KCNQ5: variants seen among roughly 807,000 people sequenced by gnomAD.
The protein encoded by KCNQ5 is potassium voltage-gated channel subfamily KQT member 5.
Under a neutral mutation model 98.2 loss-of-function variants are expected in KCNQ5, and 30 were observed. That is an observed-to-expected ratio of 0.31 (90% CI 0.23 to 0.41). KCNQ5 has a LOEUF of 0.41. Among genes scored for constraint, KCNQ5 ranks in the 10% least tolerant of loss-of-function variants. The probability of loss-of-function intolerance (pLI) is 1.00; values close to 1 mark genes in which losing one functional copy is unlikely to be tolerated. For synonymous variants in KCNQ5, 458 were observed against 449.4 expected, an observed-to-expected ratio of 1.02 and a Z score of -0.24; for missense variants, 835 against 1,182.5, an observed-to-expected ratio of 0.71 and a Z score of 4.31.
intron 1 of KCNQ5, among the ~76,000 whole-genome samples, chr6:72,973,424 A>G (rs954654403): frequency 6.6e-6 from 1 of 151,994 alleles, no homozygotes; most frequent in Non-Finnish European, 1.5e-5. Flanking sequence ...TTTTTACTGG[A>G]GGGAAAGGAT....
chr6:72,967,326 A>G (rs1767666131), intron 1 of KCNQ5, among the ~76,000 whole-genome samples: 1 of 152,202 alleles, frequency 6.6e-6, no homozygotes, highest in African/African-American at 2.4e-5. Flanking sequence ...ACTTTTGATC[A>G]GTATAGTGAA....
chr6:73,137,613 G>A (rs1776523548), intron 10 of KCNQ5, among the ~76,000 whole-genome samples: 1 of 151,866 alleles, frequency 6.6e-6, no homozygotes, highest in Admixed American at 6.6e-5. Context: ...CTTCCCATTG[G>A]CATGTGTTGT....
chr6:73,000,025 C>T (rs771577913), intron 1 of KCNQ5, among the ~76,000 whole-genome samples: 2 of 152,034 alleles, frequency 1.3e-5, no homozygotes, highest in Admixed American at 6.6e-5. Flanking sequence ...CCTGGAGGAC[C>T]GTGGACTCTA....
intron 1 of KCNQ5, among the ~76,000 whole-genome samples, chr6:72,940,387 A>G (rs1048321216): frequency 6.6e-6 from 1 of 152,226 alleles, no homozygotes; most frequent in Admixed American, 6.5e-5. Flanking sequence ...TTTCATGCCC[A>G]GGACAGGTGT....
chr6:72,793,976 A>G (rs575590523), intron 1 of KCNQ5, among the ~76,000 whole-genome samples: 1 of 152,336 alleles, frequency 6.6e-6, no homozygotes, highest in South Asian at 2.1e-4. Context: ...AATATTCTTG[A>G]CATTGCTGGA....
At chr6:73,162,271 C>A (rs952880) in intron 10 of KCNQ5, among the ~76,000 whole-genome samples, 89,294 of 151,898 alleles carry the variant, frequency 0.59, 27,440 homozygotes, top group East Asian at 0.8. Context: ...ACTTGAAAGC[C>A]AATCCTTAAC....
chr6:72,979,767 T>C (rs1768344443), intron 1 of KCNQ5, among the ~76,000 whole-genome samples: 1 of 152,218 alleles, frequency 6.6e-6, no homozygotes, highest in Non-Finnish European at 1.5e-5. Flanking sequence ...ATGTCCTGAA[T>C]GGTAATGCCT....
intron 1 of KCNQ5, among the ~76,000 whole-genome samples, chr6:72,952,605 T>TA (rs1766856704): frequency 6.6e-6 from 1 of 152,228 alleles, no homozygotes; most frequent in Non-Finnish European, 1.5e-5. Context: ...ACACCAATGC[T>TA]AAATTCTAAA....
intron 1 of KCNQ5, among the ~76,000 whole-genome samples, chr6:72,954,139 T>C (rs1054578738): frequency 6.6e-6 from 1 of 152,232 alleles, no homozygotes; most frequent in Non-Finnish European, 1.5e-5. Flanking sequence ...ATGTTCTTTA[T>C]ACAGCTTTCT....
chr6:73,196,326 G>A lies in KCNQ5; in HGVS notation c.*912G>A, dbSNP rs1184064499. The A allele has an allele frequency of 6.6e-6, 1 of 152,194 alleles. No homozygotes were observed. The highest frequency in any genetic ancestry group is 1.5e-5 in the Non-Finnish European group (1 of 68,056). The allele number at this position is 152,194 out of a possible 1,614,324, so 9.4% of individuals were successfully genotyped here. On this transcript the variant is annotated 3_prime_UTR_variant, in exon 14 of 14. Transcript: ENST00000370398. ...TTCTCATTTCGCTGACATACAGGTA[G>A]GACTATGGGGGATGGGACATTTGAG...
chr6:72,904,814 A>G (rs530028435), intron 1 of KCNQ5, among the ~76,000 whole-genome samples: 3 of 152,090 alleles, frequency 2.0e-5, no homozygotes, highest in South Asian at 2.1e-4. Context: ...CTTCATTTTA[A>G]TAATCTTCAT....
At chr6:72,682,451 T>C (rs1038143196) in intron 1 of KCNQ5, among the ~76,000 whole-genome samples, 1 of 152,186 alleles carries the variant, frequency 6.6e-6, no homozygotes, top group African/African-American at 2.4e-5. Context: ...TTGTACCTTT[T>C]TTTTCCTTTG....
intron 1 of KCNQ5, among the ~76,000 whole-genome samples, chr6:72,943,312 T>C (rs1766393326): frequency 6.6e-6 from 1 of 152,172 alleles, no homozygotes; most frequent in South Asian, 2.1e-4. Context: ...ACATAAAGAA[T>C]TTGCTAGTGT....
rs1765423078 is a variant in KCNQ5, at chr6:72,643,320, T to C, written c.398+20733T>C. On this transcript the variant is annotated intron_variant, in intron 1 of 13. Coordinates refer to ENST00000370398, the MANE Select transcript of KCNQ5 (RefSeq NM_019842.4). The stretch of plus-strand genomic sequence containing the variant: ...GATTTGTACACAAACACAGAGCATT[T>C]TCCATTGATCCTCAGTTAAAGGCAC... 1.3e-5 allele frequency among the ~76,000 whole-genome samples: 2 copies of C among 152,112 alleles called. 1 individual carries two copies. The highest frequency in any genetic ancestry group is 4.1e-4 in the South Asian group (2 of 4,820).
intron 1 of KCNQ5, among the ~76,000 whole-genome samples, chr6:72,803,217 G>A (rs1387943362): frequency 6.6e-6 from 1 of 152,110 alleles, no homozygotes; most frequent in Non-Finnish European, 1.5e-5. Flanking sequence ...GTGAAGAGGG[G>A]CATGCAATGC....
chr6:73,073,245 T>G (rs888077489), intron 3 of KCNQ5, among the ~76,000 whole-genome samples: 1 of 152,194 alleles, frequency 6.6e-6, no homozygotes, highest in African/African-American at 2.4e-5. Context: ...ACTTGACCAC[T>G]ATGAGCCTCA....
At chr6:72,913,755 A>G (rs1382341990) in intron 1 of KCNQ5, among the ~76,000 whole-genome samples, 1 of 152,246 alleles carries the variant, frequency 6.6e-6, no homozygotes, top group African/African-American at 2.4e-5. Flanking sequence ...AGACAGATTA[A>G]CAAGGAAAGC....
intron 1 of KCNQ5, among the ~76,000 whole-genome samples, chr6:72,668,174 G>GGC (rs1340506001): frequency 1.4e-4 from 22 of 151,948 alleles, no homozygotes; most frequent in Non-Finnish European, 2.6e-4. Flanking sequence ...GATAGTACAG[G>GGC]GTGTACAATT....
At chr6:73,171,379 C>T (rs1018621630) in intron 11 of KCNQ5, among the ~76,000 whole-genome samples, 1 of 152,092 alleles carries the variant, frequency 6.6e-6, no homozygotes, top group African/African-American at 2.4e-5. Context: ...TTTGGACAAT[C>T]AATTATATGG....
Sources: gnomAD v4.1 joint callset for allele counts (sites outside exome capture counted in the v4.1 genomes callset) on GRCh38, gnomAD v4.1.1 for gene constraint, MANE v1.5 for transcripts, NCBI Gene and HGNC (gene_info 2026-07-23, HGNC 2026-07-21) for gene names.